ADAR: variants seen among roughly 807,000 people sequenced by gnomAD.
ADAR encodes double-stranded RNA-specific adenosine deaminase.
ADAR carries 41 observed loss-of-function variants against 113.2 expected under a neutral mutation model. That is an observed-to-expected ratio of 0.36 (90% CI 0.28 to 0.47). The LOEUF (loss-of-function observed/expected upper bound fraction) is 0.47. Ranked by LOEUF, ADAR falls within the 20% of genes least tolerant of loss-of-function variation. The pLI is 1.00. For missense variants in ADAR, 1,242 were observed against 1,540.9 expected (o/e 0.81, Z 3.25); for synonymous variants, 605 against 572.6 (o/e 1.06, Z -0.81).
At chr1:154,620,729 A>G (rs1457697323) in intron 1 of ADAR, among the ~76,000 whole-genome samples, 1 of 152,256 alleles carries the variant, frequency 6.6e-6, no homozygotes, top group Non-Finnish European at 1.5e-5. Context: ...CTTTGGGGGT[A>G]GTGGTGACTA....
chr1:154,596,630 G>A (rs577164528), intron 6 of ADAR, among the ~76,000 whole-genome samples, 175 bp downstream of exon 6: 4 of 152,246 alleles, frequency 2.6e-5, no homozygotes, highest in Non-Finnish European at 4.4e-5. Context: ...AAGAGTGAAC[G>A]CATTCACTCT....
chr1:154,594,938 C>T (rs1274436962), intron 6 of ADAR, among the ~76,000 whole-genome samples: 1 of 152,232 alleles, frequency 6.6e-6, no homozygotes, highest in African/African-American at 2.4e-5. Context: ...TAGAAGGACT[C>T]AAGAAACTGG....
At chr1:154,610,808 CAAAAAAAAAAAAAAAG>C (rs1455344186), upstream of ADAR, among the ~76,000 whole-genome samples, 554 of 40,556 alleles carry the variant, frequency 0.014, 24 homozygotes, top group East Asian at 0.072. Flanking sequence ...GACACCGTCT[CAAAAAAAAAAAAAAAG>C]AAAAAAAAAA....
intron 1 of ADAR, among the ~76,000 whole-genome samples, chr1:154,607,531 TA>T (rs1698273188): frequency 8.2e-6 from 1 of 122,570 alleles, no homozygotes; most frequent in Non-Finnish European, 1.9e-5. Context: ...AAAGCGGGGG[TA>T]GGGGGTTCCA....
chr1:154,606,947 A>AAAT (rs1553214982), intron 1 of ADAR, among the ~76,000 whole-genome samples: 3,611 of 148,470 alleles, frequency 0.024, 47 homozygotes, highest in South Asian at 0.059. Context: ...AAAAAAAAAA[A>AAAT]ATATATATAT....
intron 6 of ADAR, among the ~76,000 whole-genome samples, chr1:154,593,141 A>AAAG (rs1697264133): frequency 6.7e-6 from 1 of 149,268 alleles, no homozygotes; most frequent in Non-Finnish European, 1.5e-5. Context: ...TCTCCAAAAA[A>AAAG]AAAAAAAAAA....
chr1:154,597,473 C>T (rs1330545804), intron 4 of ADAR, among the ~76,000 whole-genome samples: 2 of 152,166 alleles, frequency 1.3e-5, no homozygotes, highest in East Asian at 3.8e-4. Context: ...AAGCATCAAC[C>T]TAGTTTCACC....
chr1:154,595,406 G>A (rs1697427133), intron 6 of ADAR, among the ~76,000 whole-genome samples: 1 of 152,172 alleles, frequency 6.6e-6, no homozygotes, highest in South Asian at 2.1e-4. Context: ...AGACGTGGAG[G>A]TGGAAGACAG....
At chr1:154,586,752 G>A (rs537960492) in intron 11 of ADAR, among the ~76,000 whole-genome samples, 2 of 152,290 alleles carry the variant, frequency 1.3e-5, no homozygotes, top group South Asian at 4.1e-4. Flanking sequence ...GAGGAGGACA[G>A]CTGGAGTAAG....
At chr1:154,611,817 G>C (rs1698495909), upstream of ADAR, among the ~76,000 whole-genome samples, 1 of 152,308 alleles carries the variant, frequency 6.6e-6, no homozygotes, top group South Asian at 2.1e-4. Flanking sequence ...AAGAGTTACT[G>C]TCTAAAAATG....
At chr1:154,623,775 G>A (rs1369863156) in intron 1 of ADAR, among the ~76,000 whole-genome samples, 3 of 152,146 alleles carry the variant, frequency 2.0e-5, no homozygotes, top group African/African-American at 2.4e-5. Context: ...GGCTGAGGCG[G>A]GTGGATCACC....
chr1:154,625,472 GATA>G (rs1030438329), intron 1 of ADAR, among the ~76,000 whole-genome samples: 1 of 152,228 alleles, frequency 6.6e-6, no homozygotes, highest in Non-Finnish European at 1.5e-5. Flanking sequence ...ATAAAATGGG[GATA>G]ATATTTAGTG....
chr1:154,593,692 G>T (rs1418724025), intron 6 of ADAR, among the ~76,000 whole-genome samples: 1 of 152,134 alleles, frequency 6.6e-6, no homozygotes, highest in Non-Finnish European at 1.5e-5. Context: ...TTAAACAGTG[G>T]GCAGATGTGT....
intron 1 of ADAR, among the ~76,000 whole-genome samples, chr1:154,623,325 A>G (rs887490660): frequency 6.6e-6 from 1 of 152,214 alleles, no homozygotes; most frequent in African/African-American, 2.4e-5. Context: ...AAGGACGGAG[A>G]GCACATAATG....
chr1:154,611,268 T>C (rs1340586136), upstream of ADAR, among the ~76,000 whole-genome samples: 1 of 152,148 alleles, frequency 6.6e-6, no homozygotes, highest in East Asian at 1.9e-4. Context: ...CCCCTTTTAA[T>C]CTAACATAGG....
chr1:154,598,551 ACT>A lies in ADAR; in HGVS notation c.1634_1635del (p.Glu545ValfsTer5). On this transcript the variant is annotated frameshift_variant, in exon 3 of 15. Transcript: ENST00000368474. LOFTEE classifies it high-confidence loss of function. The stretch of plus-strand genomic sequence containing the variant: ...TTGCTTCCAGCTTCAGCTGGGGGAA[ACT>A]CTCGGCCATTGATGACAACCTGGAA... ...FKFQVVINGR[E>X]FPPAEAGSKK... The A allele has an allele frequency of 6.2e-7, 1 of 1,614,148 alleles. No homozygotes were observed. Among genetic ancestry groups the A allele is most frequent in the Non-Finnish European group, 8.5e-7 (1 of 1,180,040 alleles).
Position 154,602,221 on chromosome 1 carries a change from G to T in ADAR, c.421C>A (p.Gln141Lys). The change falls in exon 2 of 15, where the codon CAA becomes AAA. Residue 141 changes from glutamine (Q) to lysine (K), a missense_variant. Coordinates refer to ENST00000368474, the MANE Select transcript of ADAR (RefSeq NM_001111.5). Reference sequence around the variant, plus strand: ...TCTTCCAGGAACTTTAAGATCCTTTGTTCCTGATCTTGGTAGATACTCAGT... The same window carrying T: ...TCTTCCAGGAACTTTAAGATCCTTTTTTCCTGATCTTGGTAGATACTCAGT... ...QELSIYQDQEQRILKFLEELG... is the reference protein window; with the variant it reads ...QELSIYQDQEKRILKFLEELG... 7 of 1,614,182 alleles carry T rather than the reference G, an allele frequency of 4.3e-6. No individual in the cohort carries two copies. The highest frequency in any genetic ancestry group is 5.9e-6 in the Non-Finnish European group (7 of 1,180,042).
intron 8 of ADAR, 64 bp from the exon 9 acceptor site, chr1:154,589,526 G>T: frequency 6.9e-7 from 1 of 1,455,226 alleles, no homozygotes; most frequent in Non-Finnish European, 9.6e-7. Context: ...CAGGATGAAG[G>T]CTATTTGTTC....
At chr1:154,590,866 A>T (rs1197377525) in intron 6 of ADAR, among the ~76,000 whole-genome samples, 1 of 151,882 alleles carries the variant, frequency 6.6e-6, no homozygotes. Context: ...GGGTGAGAGG[A>T]TCACTTGAGC....
Sources: gnomAD v4.1 joint callset for allele counts (sites outside exome capture counted in the v4.1 genomes callset) on GRCh38, gnomAD v4.1.1 for gene constraint, MANE v1.5 for transcripts, NCBI Gene and HGNC (gene_info 2026-07-23, HGNC 2026-07-21) for gene names.